Variants in COL24A1 observed in about 807,000 individuals in gnomAD.
The protein encoded by COL24A1 is collagen type XXIV alpha 1 chain.
Under a neutral mutation model 253.9 loss-of-function variants are expected in COL24A1, and 224 were observed. That is an observed-to-expected ratio of 0.88 (90% CI 0.79 to 0.99). The LOEUF is 0.99. Among genes scored for constraint, COL24A1 ranks in the 50% least tolerant of loss-of-function variants. The pLI is 0.00. For missense variants in COL24A1, 2,131 were observed against 2,068.5 expected (o/e 1.03, Z -0.59); for synonymous variants, 685 against 673.7 (o/e 1.02, Z -0.26).
chr1:86,017,988 G>T (rs941405065), intron 18 of COL24A1, among the ~76,000 whole-genome samples: 1 of 152,144 alleles, frequency 6.6e-6, no homozygotes, highest in African/African-American at 2.4e-5. Context: ...GGTTAAAGGA[G>T]AAAGTGACAG....
chr1:86,137,355 T>C (rs1650407558), intron 2 of COL24A1, among the ~76,000 whole-genome samples: 1 of 152,194 alleles, frequency 6.6e-6, no homozygotes. Context: ...AGAACTTTAA[T>C]ATTTTAAGTC....
intron 47 of COL24A1, among the ~76,000 whole-genome samples, chr1:85,790,681 A>G (rs1670187322): frequency 6.6e-6 from 1 of 152,148 alleles, no homozygotes; most frequent in South Asian, 2.1e-4. Flanking sequence ...TGCACATGCT[A>G]TCATATCAAA....
chr1:85,730,836 G>T, intron 59 of COL24A1, 144 bp from the exon 60 acceptor site: 1 of 769,084 alleles, frequency 1.3e-6, no homozygotes, highest in Non-Finnish European at 2.0e-6. Flanking sequence ...TCAATAAATG[G>T]TAAAATTACT....
chr1:85,934,180 A>T (rs1307297849), intron 24 of COL24A1, among the ~76,000 whole-genome samples: 1 of 152,206 alleles, frequency 6.6e-6, no homozygotes, highest in East Asian at 1.9e-4. Context: ...GTGAGAAAGG[A>T]AGAAGCTGCA....
At chr1:86,139,783 A>T (rs1163182942) in intron 2 of COL24A1, among the ~76,000 whole-genome samples, 1 of 152,166 alleles carries the variant, frequency 6.6e-6, no homozygotes, top group Non-Finnish European at 1.5e-5. Context: ...TTAAAATAAA[A>T]TCACCAAATT....
chr1:86,095,515 A>T (rs547042591), intron 5 of COL24A1, among the ~76,000 whole-genome samples: 1 of 152,184 alleles, frequency 6.6e-6, no homozygotes, highest in South Asian at 2.1e-4. Context: ...GAATAATGCC[A>T]ACTTTATCTA....
chr1:86,089,639 G>A (rs1284344512), intron 6 of COL24A1, among the ~76,000 whole-genome samples: 5 of 152,078 alleles, frequency 3.3e-5, no homozygotes, highest in African/African-American at 1.2e-4. Flanking sequence ...GGCCAACATG[G>A]TGAAACCCGT....
intron 19 of COL24A1, among the ~76,000 whole-genome samples, chr1:86,015,426 T>A (rs1009571746): frequency 1.3e-5 from 2 of 152,068 alleles, no homozygotes; most frequent in Non-Finnish European, 2.9e-5. Context: ...AAGAGAGAAA[T>A]AAATAAACAT....
At chr1:85,740,462 T>C (rs1664490118) in intron 57 of COL24A1, among the ~76,000 whole-genome samples, 1 of 152,110 alleles carries the variant, frequency 6.6e-6, no homozygotes, top group Admixed American at 6.5e-5. Flanking sequence ...CTTCTCTCTC[T>C]TTTTGAAATA....
In COL24A1 at chr1:85,896,365, T is replaced by A; in HGVS notation, c.2823A>T (p.Gln941His). The change falls in exon 29 of 60, where the codon CAA (glutamine) becomes CAT (histidine). Residue 941 changes from glutamine (Q) to histidine (H), a missense_variant. Transcript: ENST00000370571. ...PDGLLGEQGI[Q>H]GAKGEKGDQG... ...AAAAATCAATGATTACCTTGGCACC[T>A]TGTATACCTTGTTCCCCTAAGAGAC... 6.2e-7 allele frequency: 1 copy of A among 1,613,204 alleles called. No homozygotes were observed. The highest frequency in any genetic ancestry group is 8.5e-7 in the Non-Finnish European group (1 of 1,179,166).
chr1:85,807,286 G>T (rs1427985184), intron 47 of COL24A1, among the ~76,000 whole-genome samples: 1 of 152,176 alleles, frequency 6.6e-6, no homozygotes, highest in Non-Finnish European at 1.5e-5. Flanking sequence ...TATTGCAATC[G>T]AATCAGCTAC....
chr1:86,070,448 C>T (rs1323455943), intron 7 of COL24A1, among the ~76,000 whole-genome samples: 1 of 152,074 alleles, frequency 6.6e-6, no homozygotes, highest in African/African-American at 2.4e-5. Flanking sequence ...ACTCCCCAAA[C>T]CTAGAGAAAG....
intron 41 of COL24A1, 33 bp from the exon 42 acceptor site, chr1:85,841,311 C>A: frequency 6.9e-7 from 1 of 1,454,078 alleles, no homozygotes; most frequent in Non-Finnish European, 9.4e-7. Context: ...AAACAAAACT[C>A]AATAAATAAA....
At chr1:86,115,938 T>C (rs974933628) in intron 3 of COL24A1, among the ~76,000 whole-genome samples, 5 of 147,718 alleles carry the variant, frequency 3.4e-5, no homozygotes, top group Non-Finnish European at 7.5e-5. Context: ...AGTTAAATGA[T>C]TTATAAAATA....
At chr1:86,013,363 C>T (rs1393058378) in intron 19 of COL24A1, among the ~76,000 whole-genome samples, 3 of 152,202 alleles carry the variant, frequency 2.0e-5, no homozygotes, top group Non-Finnish European at 4.4e-5. Flanking sequence ...CAATGAATTG[C>T]TACCCTCCTT....
intron 13 of COL24A1, among the ~76,000 whole-genome samples, chr1:86,032,283 G>A (rs917056844): frequency 2.0e-5 from 3 of 152,276 alleles, no homozygotes; most frequent in South Asian, 2.1e-4. Context: ...TGGTCAGCAC[G>A]TAGGGTTAGA....
At chr1:85,816,969 T>C in intron 46 of COL24A1, 74 bp from the exon 47 acceptor site, 1 of 1,124,376 alleles carries the variant, frequency 8.9e-7, no homozygotes, top group Non-Finnish European at 1.3e-6. Context: ...TTTTTATTTA[T>C]TGAGCTGGAG....
At chr1:85,960,213 G>GA (rs2100664224) in intron 24 of COL24A1, among the ~76,000 whole-genome samples, 1 of 152,204 alleles carries the variant, frequency 6.6e-6, no homozygotes, top group South Asian at 2.1e-4. Flanking sequence ...CCATATAGAA[G>GA]AAAATTTTTT....
rs753354708 is a variant in COL24A1, at chr1:86,156,410, T to C, written c.-14A>G. Reference sequence around the variant, plus strand: ...TCTTAAATGCATTTGTATGCATTTGTCCGTGCAGCAAAGCGCTAACGGAAA... The same window carrying C: ...TCTTAAATGCATTTGTATGCATTTGCCCGTGCAGCAAAGCGCTAACGGAAA... On this transcript the variant is annotated 5_prime_UTR_variant, in exon 1 of 60. Transcript: ENST00000370571. 4 of 1,610,494 alleles carry C rather than the reference T, an allele frequency of 2.5e-6. No homozygotes were observed. Among genetic ancestry groups the C allele is most frequent in the Non-Finnish European group, 3.4e-6 (4 of 1,178,268 alleles).
Sources: gnomAD v4.1 joint callset for allele counts (sites outside exome capture counted in the v4.1 genomes callset) on GRCh38, gnomAD v4.1.1 for gene constraint, MANE v1.5 for transcripts, NCBI Gene and HGNC (gene_info 2026-07-23, HGNC 2026-07-21) for gene names.